Variants in CD36 observed in about 807,000 individuals in gnomAD.
CD36 encodes the protein CD36 molecule (CD36 blood group), also known as platelet glycoprotein 4.
CD36 carries 119 observed loss-of-function variants against 55.2 expected under a neutral mutation model. The observed-to-expected ratio is 2.15, with a 90% CI of 1.86 to 2.51. The LOEUF (loss-of-function observed/expected upper bound fraction) is 2.51. Ranked by LOEUF, CD36 falls within the 30% of genes most tolerant of loss-of-function variation. CD36 has a pLI of 0.00. For missense variants in CD36, 819 were observed against 555.5 expected (o/e 1.47, Z -4.77); for synonymous variants, 186 against 193.6 (o/e 0.96, Z 0.33).
chr7:80,635,505 C>G (rs1052189302), upstream of CD36, among the ~76,000 whole-genome samples: 2 of 152,042 alleles, frequency 1.3e-5, no homozygotes, highest in Non-Finnish European at 2.9e-5. Flanking sequence ...GAACTCCTGA[C>G]CTCAAGTGAT....
At chr7:80,614,343 C>T (rs1793031005) in intron 1 of CD36, among the ~76,000 whole-genome samples, 1 of 152,118 alleles carries the variant, frequency 6.6e-6, no homozygotes, top group Admixed American at 6.6e-5. Context: ...GGTTCTCTTT[C>T]ACTCTTTATC....
chr7:80,630,424 A>G (rs1388510256), intron 1 of CD36, among the ~76,000 whole-genome samples: 1 of 152,078 alleles, frequency 6.6e-6, no homozygotes, highest in Non-Finnish European at 1.5e-5. Context: ...AAGAAAATTA[A>G]GATAAAAATG....
intron 1 of CD36, among the ~76,000 whole-genome samples, chr7:80,625,240 G>A (rs1793679433): frequency 1.3e-5 from 2 of 152,108 alleles, no homozygotes; most frequent in African/African-American, 2.4e-5. Context: ...GGGGGTACTG[G>A]AACTAGCTAA....
chr7:80,671,185 G>A, intron 10 of CD36, 21 bp downstream of exon 10: 1 of 1,494,184 alleles, frequency 6.7e-7, no homozygotes, highest in Non-Finnish European at 9.3e-7. Flanking sequence ...AACCTCAGTA[G>A]CACAGTCCAT....
rs1064795836 is a variant in CD36 at position 80,664,498 on chromosome 7, G to C, written c.701+1G>C. 6.8e-7 allele frequency: 1 copy of C among 1,480,998 alleles called. No individual in the cohort carries two copies. Among genetic ancestry groups the C allele is most frequent in the Non-Finnish European group, 9.4e-7 (1 of 1,063,100 alleles). 91.7% of individuals were successfully genotyped at this position (1,480,998 alleles called of 1,614,324 possible). On this transcript the variant is annotated splice_donor_variant, in intron 7 of 14. Coordinates refer to ENST00000447544, the MANE Select transcript of CD36 (RefSeq NM_001001548.3). LOFTEE classifies it high-confidence loss of function. ...TAATCGACACATATAAAGGTAAAAG[G>C]TAAGTATTCTGGTAAAATGTGCATG...
intron 5 of CD36, 120 bp downstream of exon 5, chr7:80,661,330 A>G (rs979851729): frequency 1.0e-6 from 1 of 963,072 alleles, no homozygotes; most frequent in South Asian, 1.4e-5. Flanking sequence ...ACGTATTCCT[A>G]TATCATTATT....
chr7:80,629,941 T>A (rs1247273725), intron 1 of CD36, among the ~76,000 whole-genome samples: 1 of 151,804 alleles, frequency 6.6e-6, no homozygotes, highest in Non-Finnish European at 1.5e-5. Context: ...TTCTAGGTAA[T>A]TAATTTGCAT....
chr7:80,643,348 G>A (rs1217897278), intron 1 of CD36, among the ~76,000 whole-genome samples: 1 of 152,144 alleles, frequency 6.6e-6, no homozygotes, highest in African/African-American at 2.4e-5. Flanking sequence ...TGTCAGAGTT[G>A]CAAATGACAT....
chr7:80,666,279 G>C, intron 7 of CD36, 164 bp from the exon 8 acceptor site: 1 of 622,546 alleles, frequency 1.6e-6, no homozygotes, highest in Non-Finnish European at 2.9e-6. Context: ...TAAGATAAAA[G>C]GTTCAAACAA....
At chr7:80,636,130 T>C (rs565168897), upstream of CD36, among the ~76,000 whole-genome samples, 1 of 152,130 alleles carries the variant, frequency 6.6e-6, no homozygotes, top group African/African-American at 2.4e-5. Flanking sequence ...GCAGAATTTC[T>C]TCGATGGTGA....
intron 8 of CD36, among the ~76,000 whole-genome samples, chr7:80,666,779 AAAC>A (rs1287193684): frequency 1.3e-5 from 2 of 152,268 alleles, no homozygotes; most frequent in Admixed American, 6.5e-5. Context: ...GGTAAAAAAC[AAAC>A]AACAACACAA....
Position 80,661,092 on chromosome 7 carries a change from C to A in CD36, c.311C>A (p.Thr104Asn), listed in dbSNP as rs1398779645. Residue 104 changes from threonine to asparagine, a missense_variant, in exon 5 of 15, where the codon ACC (threonine) becomes AAC (asparagine). Thr to Asn is a moderately conservative substitution (Grantham distance 65). Coordinates refer to ENST00000447544, the MANE Select transcript of CD36 (RefSeq NM_001001548.3). Reference sequence around the variant, plus strand: ...CGTTTTCTAGCCAAGGAAAATGTAACCCAGGACGCTGAGGACAACACAGTC... The same window carrying A: ...CGTTTTCTAGCCAAGGAAAATGTAAACCAGGACGCTGAGGACAACACAGTC... ...RVRFLAKENVTQDAEDNTVSF... is the reference protein window; with the variant it reads ...RVRFLAKENVNQDAEDNTVSF... The A allele has an allele frequency of 1.5e-5, 25 of 1,613,676 alleles. 1 individual carries two copies. Among genetic ancestry groups the A allele is most frequent in the Non-Finnish European group, 2.0e-5 (24 of 1,179,730 alleles).
intron 1 of CD36, 80 bp from the exon 2 acceptor site, chr7:80,646,008 A>G (rs1189854940): frequency 6.6e-6 from 1 of 151,866 alleles, no homozygotes; most frequent in African/African-American, 2.4e-5. Flanking sequence ...TATTTTAAGT[A>G]TGGTGATATT....
chr7:80,619,753 C>T (rs1177435562), intron 1 of CD36, among the ~76,000 whole-genome samples: 3 of 151,570 alleles, frequency 2.0e-5, no homozygotes, highest in Non-Finnish European at 2.9e-5. Flanking sequence ...ATTCACCATT[C>T]CAGATGCCAT....
At chr7:80,649,110 T>G (rs150496822) in intron 3 of CD36, among the ~76,000 whole-genome samples, 1 of 152,260 alleles carries the variant, frequency 6.6e-6, no homozygotes, top group East Asian at 1.9e-4. Context: ...TGGCTAACAT[T>G]TAATTCTTAC....
chr7:80,625,171 C>G (rs1488252827), intron 1 of CD36: 1 of 152,088 alleles, frequency 6.6e-6, no homozygotes, highest in Non-Finnish European at 1.5e-5. Flanking sequence ...CCATTTCTAA[C>G]ATGTTTTCCA....
At chr7:80,653,417 G>A (rs1795778926) in intron 3 of CD36, among the ~76,000 whole-genome samples, 1 of 152,136 alleles carries the variant, frequency 6.6e-6, no homozygotes, top group Admixed American at 6.6e-5. Context: ...AGGATATTAA[G>A]GTCCCAACAA....
intron 1 of CD36, among the ~76,000 whole-genome samples, chr7:80,613,899 C>G (rs1048295325): frequency 2.0e-5 from 3 of 152,010 alleles, no homozygotes; most frequent in African/African-American, 7.2e-5. Flanking sequence ...TATACAGAAC[C>G]AAATGCATAT....
At chr7:80,650,184 G>A (rs1795491871) in intron 3 of CD36, among the ~76,000 whole-genome samples, 1 of 151,994 alleles carries the variant, frequency 6.6e-6, no homozygotes, top group Admixed American at 6.6e-5. Flanking sequence ...AGTGCACATT[G>A]TAAGCCCCCT....
Sources: gnomAD v4.1 joint callset for allele counts (sites outside exome capture counted in the v4.1 genomes callset) on GRCh38, gnomAD v4.1.1 for gene constraint, MANE v1.5 for transcripts, NCBI Gene and HGNC (gene_info 2026-07-23, HGNC 2026-07-21) for gene names.